Variants in NCAM2 observed in about 807,000 individuals in gnomAD.
NCAM2 encodes N-CAM-2.
A neutral mutation model predicts 98.1 loss-of-function variants in NCAM2; 30 were observed. The ratio of observed to expected loss-of-function variants is 0.31; its 90% CI spans 0.23 to 0.41. The LOEUF (loss-of-function observed/expected upper bound fraction) is 0.41. Among genes scored for constraint, NCAM2 ranks in the 10% least tolerant of loss-of-function variants. The pLI is 1.00. For missense variants in NCAM2, 867 were observed against 1,005.8 expected, an observed-to-expected ratio of 0.86 and a Z score of 1.87; for synonymous variants, 368 against 342.4, an observed-to-expected ratio of 1.07 and a Z score of -0.83.
At chr21:21,117,064 A>G (rs9983835) in intron 1 of NCAM2, among the ~76,000 whole-genome samples, 35,843 of 152,122 alleles carry the variant, frequency 0.24, 4,249 homozygotes, top group Middle Eastern at 0.28. Flanking sequence ...TGATGATTTG[A>G]TATATATCGA....
At chr21:21,043,728 G>A (rs992067534) in intron 1 of NCAM2, among the ~76,000 whole-genome samples, 4 of 151,402 alleles carry the variant, frequency 2.6e-5, no homozygotes, top group Non-Finnish European at 4.4e-5. Context: ...GGTGGCGGGC[G>A]CCTGTAGTCC....
At chr21:21,394,447 C>G (rs1441763573) in intron 9 of NCAM2, among the ~76,000 whole-genome samples, 1 of 124,242 alleles carries the variant, frequency 8.0e-6, no homozygotes, top group Non-Finnish European at 1.7e-5. Context: ...GCAGTTAGAC[C>G]TTAGTTAATT....
intron 1 of NCAM2, among the ~76,000 whole-genome samples, chr21:21,252,389 A>G (rs748134353): frequency 2.7e-5 from 4 of 150,188 alleles, no homozygotes; most frequent in Non-Finnish European, 4.4e-5. Flanking sequence ...ACAATATATA[A>G]GATATATACT....
At chr21:21,413,961 T>C (rs1228231820) in intron 10 of NCAM2, among the ~76,000 whole-genome samples, 1 of 152,204 alleles carries the variant, frequency 6.6e-6, no homozygotes, top group Non-Finnish European at 1.5e-5. Flanking sequence ...GCAGAACATC[T>C]TTCAAAAATG....
In NCAM2 at chr21:21,284,292, C is replaced by T. The variant is rs576610818; in HGVS notation, c.229C>T (p.Arg77Trp). Residue 77 changes from arginine to tryptophan, a missense_variant, in exon 3 of 18, where the codon CGG becomes TGG. Arg to Trp is a moderately radical substitution (Grantham distance 101). Around this residue, in one of 5 missense-constraint regions of NCAM2, gnomAD observed 447 missense variants for 495.7 expected, o/e 0.90. Coordinates refer to ENST00000400546, the MANE Select transcript of NCAM2 (RefSeq NM_004540.5). The stretch of plus-strand genomic sequence containing the variant: ...AGTGCAAAAGGAAGGTGTTAGGTCA[C>T]GGTTAACCATCTACAATGCAAATAT... ...VVVQKEGVRS[R>W]LTIYNANIED... 6.8e-6 allele frequency: 11 copies of T among 1,611,714 alleles called. No homozygotes were observed. Among genetic ancestry groups the T allele is most frequent in the African/African-American group, 4.0e-5 (3 of 74,936 alleles).
intron 8 of NCAM2, among the ~76,000 whole-genome samples, chr21:21,366,399 T>C (rs1403120054): frequency 6.6e-6 from 1 of 152,084 alleles, no homozygotes; most frequent in African/African-American, 2.4e-5. Context: ...ATTTTAACAA[T>C]ATTTATCATG....
At position 21,192,656 on chromosome 21, in the gene NCAM2, T is replaced by TAACA. The variant is rs538957422; in HGVS notation, c.56-87911_56-87908dup. On this transcript the variant is annotated intron_variant, in intron 1 of 17. Coordinates refer to ENST00000400546, the MANE Select transcript of NCAM2 (RefSeq NM_004540.5). ...AGGGAGAATTTTGGAAAGGACAGCG[T>TAACA]AACAAACAAACAAATGAAAAATCCA... is the stretch of plus-strand genomic sequence containing the variant. Among the ~76,000 whole-genome samples, 12 of 152,080 alleles carry TAACA rather than the reference T, an allele frequency of 7.9e-5. No individual in the cohort carries two copies. In the South Asian group the frequency reaches 2.3e-3, roughly 29 times the overall value.
At chr21:21,229,884 G>A (rs1305390137) in intron 1 of NCAM2, among the ~76,000 whole-genome samples, 1 of 151,406 alleles carries the variant, frequency 6.6e-6, no homozygotes, top group Non-Finnish European at 1.5e-5. Context: ...TCTCTGAACT[G>A]TAAATTGGTC....
intron 1 of NCAM2, among the ~76,000 whole-genome samples, chr21:21,250,420 T>G (rs2071428623): frequency 6.6e-6 from 1 of 152,196 alleles, no homozygotes; most frequent in South Asian, 2.1e-4. Flanking sequence ...TTACAAAGTT[T>G]GCATTTGATG....
At chr21:21,292,263 CAT>C in intron 5 of NCAM2, 22 bp downstream of exon 5, 1 of 1,593,240 alleles carries the variant, frequency 6.3e-7, no homozygotes, top group South Asian at 1.1e-5. Flanking sequence ...ATAATTTGTA[CAT>C]GTTTTATGGA....
At chr21:21,046,342 G>A (rs1255816001) in intron 1 of NCAM2, among the ~76,000 whole-genome samples, 1 of 152,070 alleles carries the variant, frequency 6.6e-6, no homozygotes, top group African/African-American at 2.4e-5. Context: ...TTTAAAAGTG[G>A]TTCCTGCAGT....
At chr21:21,513,117 C>T (rs180933224) in intron 16 of NCAM2, among the ~76,000 whole-genome samples, 91 of 152,108 alleles carry the variant, frequency 6.0e-4, no homozygotes, top group South Asian at 1.9e-3. Flanking sequence ...TCCAGTACTA[C>T]GTTAATACCA....
intron 12 of NCAM2, among the ~76,000 whole-genome samples, chr21:21,460,829 A>G (rs1218122476): frequency 6.6e-6 from 1 of 151,890 alleles, no homozygotes; most frequent in Non-Finnish European, 1.5e-5. Flanking sequence ...TAGAGATGTT[A>G]TTAGGAGGTT....
chr21:21,464,136 G>T (rs1409834799), intron 12 of NCAM2, among the ~76,000 whole-genome samples: 3 of 152,014 alleles, frequency 2.0e-5, no homozygotes, highest in South Asian at 4.1e-4. Flanking sequence ...ATTGCCAGAT[G>T]CCATCACCAA....
intron 1 of NCAM2, among the ~76,000 whole-genome samples, chr21:21,259,340 A>G (rs966604612): frequency 2.6e-5 from 4 of 152,136 alleles, no homozygotes; most frequent in Non-Finnish European, 5.9e-5. Flanking sequence ...GCCAGGAACC[A>G]AAGCACAAAA....
intron 1 of NCAM2, among the ~76,000 whole-genome samples, chr21:21,248,270 C>A (rs979177263): frequency 4.1e-4 from 62 of 151,996 alleles, no homozygotes; most frequent in African/African-American, 1.3e-3. Context: ...ATAAAAGTAA[C>A]CCGAATTATG....
intron 5 of NCAM2, among the ~76,000 whole-genome samples, chr21:21,322,851 T>C (rs2074412734): frequency 6.6e-6 from 1 of 152,172 alleles, no homozygotes; most frequent in East Asian, 1.9e-4. Context: ...GGTATCTCTG[T>C]TGCCTAAGCA....
intron 6 of NCAM2, among the ~76,000 whole-genome samples, chr21:21,332,230 G>T (rs1189493306): frequency 6.6e-6 from 1 of 152,064 alleles, no homozygotes; most frequent in African/African-American, 2.4e-5. Context: ...TTGGGTTCCA[G>T]ACATTCAGAA....
intron 8 of NCAM2, among the ~76,000 whole-genome samples, chr21:21,371,206 T>G (rs1396068336): frequency 1.3e-5 from 2 of 151,870 alleles, no homozygotes; most frequent in Admixed American, 1.3e-4. Context: ...ATTCTTAGTA[T>G]GACTGTAGAA....
Sources: allele counts gnomAD v4.1 joint callset (sites outside exome capture counted in the v4.1 genomes callset), GRCh38; gene constraint gnomAD v4.1.1; regional missense constraint gnomAD v4.1.1; transcripts MANE v1.5; gene names NCBI Gene and HGNC (gene_info 2026-07-23, HGNC 2026-07-21).